Variants in NDNF observed in about 807,000 individuals in gnomAD.
NDNF encodes the protein protein NDNF.
In NDNF, 16 loss-of-function variants were observed where a neutral mutation model predicts 42.0. The ratio of observed to expected loss-of-function variants is 0.38; its 90% CI spans 0.26 to 0.58. The LOEUF is 0.58. Ranked by LOEUF, NDNF falls within the 20% of genes least tolerant of loss-of-function variation. NDNF has a pLI of 0.67. For missense variants in NDNF, 616 were observed against 666.2 expected (o/e 0.92, Z 0.83); for synonymous variants, 248 against 251.7 (o/e 0.99, Z 0.14).
chr4:121,037,888 C>A, intron 3 of NDNF: 1 of 387,444 alleles, frequency 2.6e-6, no homozygotes. Context: ...GAGCAGAATC[C>A]AATTAGTAAA....
At chr4:121,057,482 C>G (rs559294793) in intron 1 of NDNF, among the ~76,000 whole-genome samples, 2 of 152,272 alleles carry the variant, frequency 1.3e-5, no homozygotes, top group Non-Finnish European at 2.9e-5. Context: ...GACTGGAAGA[C>G]AGGCACTGGC....
At chr4:121,039,857 GA>G in intron 3 of NDNF, 72 bp downstream of exon 3, 2 of 1,520,540 alleles carry the variant, frequency 1.3e-6, no homozygotes. Context: ...CTAACACATA[GA>G]AGGTTGTATG....
At chr4:121,063,450 AACAC>A (rs374632297) in intron 1 of NDNF, among the ~76,000 whole-genome samples, 1 of 150,502 alleles carries the variant, frequency 6.6e-6, no homozygotes, top group African/African-American at 2.4e-5. Flanking sequence ...TGTGCACATA[AACAC>A]ACACACACAC....
At chr4:121,053,351 A>G (rs1285007606) in intron 1 of NDNF, among the ~76,000 whole-genome samples, 1 of 152,254 alleles carries the variant, frequency 6.6e-6, no homozygotes, top group Non-Finnish European at 1.5e-5. Flanking sequence ...AGTTCCTAAC[A>G]GGGATAACGT....
chr4:121,063,629 A>C (rs898692603), intron 1 of NDNF, among the ~76,000 whole-genome samples: 1 of 152,224 alleles, frequency 6.6e-6, no homozygotes, highest in Non-Finnish European at 1.5e-5. Context: ...GACTTAATAA[A>C]GTAAACTGAT....
intron 1 of NDNF, among the ~76,000 whole-genome samples, chr4:121,051,147 C>T (rs17051284): frequency 0.67 from 102,177 of 152,002 alleles, 38,712 homozygotes; most frequent in East Asian, 0.88. Flanking sequence ...CACTTTCTTG[C>T]GAGCAGGTAA....
At position 121,040,004 on chromosome 4, in the gene NDNF, G is replaced by A. The variant is rs201745396; in HGVS notation, c.239C>T (p.Thr80Met). The A allele has an allele frequency of 1.9e-3, 2,992 of 1,613,586 alleles. 4 individuals are homozygous for A. Among genetic ancestry groups the A allele is most frequent in the Non-Finnish European group, 1.9e-3 (2,285 of 1,179,590 alleles). ...CCACTCCAAAGGCGCATCACAGGGCGTCACTGTGACTGATAATGGAGTATT... is the reference window on the plus strand; with the variant it reads ...CCACTCCAAAGGCGCATCACAGGGCATCACTGTGACTGATAATGGAGTATT... ...EDNTPLSVTVTPCDAPLEWKL... is the reference protein window; with the variant it reads ...EDNTPLSVTVMPCDAPLEWKL... The change falls in exon 3 of 4, where the codon ACG becomes ATG. Residue 80 changes from threonine (T) to methionine (M), a missense_variant. Thr to Met is a moderately conservative substitution (Grantham distance 81). Transcript: ENST00000379692.
intron 1 of NDNF, among the ~76,000 whole-genome samples, chr4:121,057,762 C>G (rs1727322903): frequency 1.3e-5 from 2 of 152,208 alleles, no homozygotes; most frequent in South Asian, 4.1e-4. Flanking sequence ...TCCTGACTTT[C>G]CGGAGTGAGA....
intron 2 of NDNF, 45 bp from the exon 3 acceptor site, chr4:121,040,099 C>A (rs1446491131): frequency 3.2e-6 from 5 of 1,568,992 alleles, no homozygotes; most frequent in Non-Finnish European, 4.3e-6. Flanking sequence ...TTCTTTCTAA[C>A]ATTTACAATC....
chr4:121,059,585 A>G (rs1043429850), intron 1 of NDNF, among the ~76,000 whole-genome samples: 2 of 152,180 alleles, frequency 1.3e-5, no homozygotes, highest in African/African-American at 2.4e-5. Context: ...GCCTGGTATA[A>G]TTTTTCTGTC....
At position 121,072,455 on chromosome 4, in the gene NDNF, C is replaced by T. The variant is rs1460001074; in HGVS notation, c.-464G>A. The T allele has an allele frequency of 6.6e-6, 1 of 151,820 alleles. No homozygotes were observed. Among genetic ancestry groups the T allele is most frequent in the Non-Finnish European group, 1.5e-5 (1 of 67,956 alleles). The allele number at this position is 151,820 out of a possible 1,614,324, so 9.4% of individuals were successfully genotyped here. A position where few individuals can be genotyped will look rare whatever the true frequency, so the allele number is the denominator to read the frequency against. ...GCGCCGCGCGGGGTGCTGGGAGAGC[C>T]GGGCGCACGGGGCGGCAGCGGCCGT... On this transcript the variant is annotated 5_prime_UTR_variant, in exon 1 of 4. Transcript: ENST00000379692.
intron 1 of NDNF, among the ~76,000 whole-genome samples, chr4:121,056,212 T>C (rs1418944712): frequency 6.6e-6 from 1 of 152,034 alleles, no homozygotes; most frequent in Admixed American, 6.6e-5. Flanking sequence ...AATGGAATAA[T>C]CCGGAATGTA....
intron 1 of NDNF, among the ~76,000 whole-genome samples, chr4:121,046,269 A>C (rs1455947151): frequency 1.3e-5 from 2 of 152,332 alleles, no homozygotes; most frequent in Admixed American, 6.5e-5. Flanking sequence ...ATCATTGCTC[A>C]GCAGTCAAGT....
chr4:121,062,670 A>C (rs1199957942), intron 1 of NDNF, among the ~76,000 whole-genome samples: 1 of 152,186 alleles, frequency 6.6e-6, no homozygotes, highest in Non-Finnish European at 1.5e-5. Flanking sequence ...CAAGGAAGTA[A>C]GATACACAGT....
chr4:121,039,220 A>ACG (rs1361637621), intron 3 of NDNF, among the ~76,000 whole-genome samples: 3 of 86,740 alleles, frequency 3.5e-5, no homozygotes, highest in African/African-American at 6.6e-5. Flanking sequence ...ATATATATAT[A>ACG]TATATATATA....
At chr4:121,055,809 A>T (rs1466965426) in intron 1 of NDNF, among the ~76,000 whole-genome samples, 3 of 149,142 alleles carry the variant, frequency 2.0e-5, no homozygotes, top group Non-Finnish European at 3.0e-5. Flanking sequence ...ATACACACAT[A>T]CACACACACA....
At chr4:121,039,251 A>G (rs190302859) in intron 3 of NDNF, among the ~76,000 whole-genome samples, 15 of 141,552 alleles carry the variant, frequency 1.1e-4, no homozygotes, top group Admixed American at 1.4e-4. Flanking sequence ...CTATGTATAT[A>G]TATATAGTCA....
At position 121,036,795 on chromosome 4, in the gene NDNF, A is replaced by G. The variant is rs1327366528; in HGVS notation, c.1176T>C (p.Asp392=). The change falls in exon 4 of 4, where the codon GAT becomes GAC. Residue 392 remains aspartate, a synonymous_variant. Transcript: ENST00000379692. ...CATTCTGAGACAGAAGAAGTTTCCC[A>G]TCTCTTCTCACTTGGATTTGGACAG... is the stretch of plus-strand genomic sequence containing the variant. The part of the protein sequence containing the change: ...LDAVQIQVRR[D]GKLLLSQNVE... 1.2e-6 allele frequency: 2 copies of G among 1,614,050 alleles called. No individual in the cohort carries two copies. The highest frequency in any genetic ancestry group is 1.3e-5 in the African/African-American group (1 of 74,932).
intron 1 of NDNF, among the ~76,000 whole-genome samples, chr4:121,050,691 T>C (rs1727178660): frequency 6.6e-6 from 1 of 152,202 alleles, no homozygotes; most frequent in African/African-American, 2.4e-5. Flanking sequence ...TGAAAAGTTC[T>C]AATGAATAAA....
Sources: gnomAD v4.1 joint callset for allele counts (sites outside exome capture counted in the v4.1 genomes callset) on GRCh38, gnomAD v4.1.1 for gene constraint, MANE v1.5 for transcripts, NCBI Gene and HGNC (gene_info 2026-07-23, HGNC 2026-07-21) for gene names.